RAVER2: variants seen among roughly 807,000 people sequenced by gnomAD.
The protein encoded by RAVER2 is ribonucleoprotein, PTB binding 2.
In RAVER2, 46 loss-of-function variants were observed where a neutral mutation model predicts 78.1. The observed-to-expected ratio is 0.59, with a 90% confidence interval of 0.46 to 0.75. The LOEUF (loss-of-function observed/expected upper bound fraction) is 0.75. Among genes scored for constraint, RAVER2 ranks in the 30% least tolerant of loss-of-function variants. The pLI, the probability that RAVER2 is intolerant of heterozygous loss-of-function variation, is 0.00. For missense variants in RAVER2, 793 were observed against 837.5 expected (o/e 0.95, Z 0.66); for synonymous variants, 311 against 313.3 (o/e 0.99, Z 0.08).
At chr1:64,816,098 T>A (rs922476185) in intron 11 of RAVER2, 36 of 152,248 alleles carry the variant, frequency 2.4e-4, no homozygotes, top group African/African-American at 4.6e-4. Context: ...ATAAATTTTT[T>A]AAAAATTCAT....
intron 5 of RAVER2, among the ~76,000 whole-genome samples, chr1:64,796,329 GGA>G (rs758389073): frequency 6.6e-6 from 1 of 151,938 alleles, no homozygotes; most frequent in Non-Finnish European, 1.5e-5. Flanking sequence ...TCAGTCATCA[GGA>G]GAGTTTATGT....
At chr1:64,760,782 T>G (rs1466553321) in intron 1 of RAVER2, among the ~76,000 whole-genome samples, 2 of 150,894 alleles carry the variant, frequency 1.3e-5, no homozygotes, top group Non-Finnish European at 3.0e-5. Context: ...CCAAATGTTG[T>G]TCTTGGCCCC....
rs187609247 is a variant in RAVER2, at chr1:64,828,845, T to C, written c.1930-1994T>C. Among the ~76,000 whole-genome samples, 34 of 152,358 alleles carry C rather than the reference T, an allele frequency of 2.2e-4. 1 individual carries two copies. The highest frequency in any genetic ancestry group is 7.9e-4 in the African/African-American group (33 of 41,592). On this transcript the variant is annotated intron_variant, in intron 11 of 11. Transcript: ENST00000294428. ...TTTTCCCCCTCTTCTCCTCAGCTCC[T>C]GAAGAGAACATCATTTGACTTTCTG...
chr1:64,814,630 TTAAAATAACCTAAA>T, intron 10 of RAVER2, 60 bp from the exon 11 acceptor site: 2 of 817,480 alleles, frequency 2.4e-6, no homozygotes, highest in Non-Finnish European at 3.2e-6. Flanking sequence ...AATAATTTAT[TTAAAATAACCTAAA>T]TAAAATAAAT....
intron 11 of RAVER2, among the ~76,000 whole-genome samples, chr1:64,821,740 T>C (rs1420969737): frequency 2.6e-5 from 4 of 152,188 alleles, no homozygotes; most frequent in Non-Finnish European, 5.9e-5. Context: ...GCCAGACCTC[T>C]TCCTTACACC....
At chr1:64,794,455 C>G (rs1653039562) in intron 5 of RAVER2, among the ~76,000 whole-genome samples, 1 of 149,388 alleles carries the variant, frequency 6.7e-6, no homozygotes, top group Admixed American at 6.7e-5. Context: ...AGCCATTTTA[C>G]ATACTCACCA....
At chr1:64,746,877 T>A (rs7530099) in intron 1 of RAVER2, among the ~76,000 whole-genome samples, 152,068 of 152,150 alleles carry the variant, frequency 1, 75,993 homozygotes, top group Middle Eastern at 1. Context: ...TGGCATTTTT[T>A]AAAAAAACAA....
At chr1:64,824,321 C>G (rs1447003156) in intron 11 of RAVER2, among the ~76,000 whole-genome samples, 1 of 152,126 alleles carries the variant, frequency 6.6e-6, no homozygotes, top group Admixed American at 6.5e-5. Flanking sequence ...GAACAAAAGA[C>G]CTGGAAAATG....
chr1:64,776,736 A>G (rs1652474943), intron 2 of RAVER2, among the ~76,000 whole-genome samples: 1 of 152,196 alleles, frequency 6.6e-6, no homozygotes, highest in African/African-American at 2.4e-5. Context: ...TTTTCCTATA[A>G]AATTGCTCAA....
rs529441101 is a variant in RAVER2 at position 64,760,666 on chromosome 1, G to C, written c.250-7990G>C. On this transcript the variant is annotated intron_variant, in intron 1 of 11. Transcript: ENST00000294428. ...TTAGGGAATTTGGATTTTATTTAAT[G>C]GGATATATTTAAACAAGGGAGTGAT... is the stretch of plus-strand genomic sequence containing the variant. 7.9e-5 allele frequency among the ~76,000 whole-genome samples: 12 copies of C among 152,090 alleles called. No individual in the cohort carries two copies. The South Asian group carries it at 2.3e-3, about 29-fold the overall frequency.
chr1:64,820,886 T>C (rs935150234), intron 11 of RAVER2, among the ~76,000 whole-genome samples: 8 of 152,244 alleles, frequency 5.3e-5, no homozygotes, highest in African/African-American at 1.9e-4. Context: ...TGTGTATTTA[T>C]GATAGAATAA....
chr1:64,823,484 G>A (rs1411440600), intron 11 of RAVER2, among the ~76,000 whole-genome samples: 3 of 152,138 alleles, frequency 2.0e-5, no homozygotes, highest in East Asian at 1.9e-4. Flanking sequence ...TAGCATTATA[G>A]TCAGCTATGT....
chr1:64,777,927 G>A, exon 3 of RAVER2: 1 of 1,614,130 alleles, frequency 6.2e-7, no homozygotes, highest in Non-Finnish European at 8.5e-7. Flanking sequence ...TGGGTAGACA[G>A]TTGGGAGCAT....
chr1:64,807,163 T>C, intron 8 of RAVER2, 43 bp from the exon 9 acceptor site: 1 of 1,575,878 alleles, frequency 6.3e-7, no homozygotes, highest in Non-Finnish European at 8.6e-7. Context: ...TGTGAATAAA[T>C]ATTTTCTAAC....
At chr1:64,787,872 A>G (rs1176582445) in intron 4 of RAVER2, among the ~76,000 whole-genome samples, 1 of 151,998 alleles carries the variant, frequency 6.6e-6, no homozygotes, top group African/African-American at 2.4e-5. Context: ...CACATCTTCT[A>G]TCTCCCCAGG....
At chr1:64,805,843 G>A (rs1653403402) in intron 8 of RAVER2, among the ~76,000 whole-genome samples, 1 of 152,164 alleles carries the variant, frequency 6.6e-6, no homozygotes. Context: ...CAAAAGTTAA[G>A]CCAGTGAAGA....
intron 5 of RAVER2, among the ~76,000 whole-genome samples, chr1:64,793,648 G>A (rs1653009200): frequency 1.3e-5 from 2 of 152,128 alleles, no homozygotes; most frequent in Admixed American, 6.6e-5. Flanking sequence ...ATATACTCAT[G>A]AAATCATTAC....
chr1:64,832,129 G>A (rs1433625231), exon 12 of RAVER2: 1 of 152,364 alleles, frequency 6.6e-6, no homozygotes, highest in African/African-American at 2.4e-5. Flanking sequence ...GACTAGTAAT[G>A]ATCTAATGAC....
intron 1 of RAVER2, among the ~76,000 whole-genome samples, chr1:64,759,603 G>T (rs1382906325): frequency 6.6e-6 from 1 of 151,006 alleles, no homozygotes. Flanking sequence ...TGCAAGCTTT[G>T]CCTCCCGGGT....
Sources: gnomAD v4.1 joint callset for allele counts (sites outside exome capture counted in the v4.1 genomes callset) on GRCh38, gnomAD v4.1.1 for gene constraint, MANE v1.5 for transcripts, NCBI Gene and HGNC (gene_info 2026-07-23, HGNC 2026-07-21) for gene names.